Variants in SYNE1 observed in about 807,000 individuals in gnomAD.
The protein encoded by SYNE1 is spectrin repeat containing nuclear envelope protein 1, also known as nesprin-1.
In SYNE1, 616 loss-of-function variants were observed where a neutral mutation model predicts 1,111.0. The ratio of observed to expected loss-of-function variants is 0.55; its 90% CI spans 0.52 to 0.59. The LOEUF is 0.59. SYNE1 is among the 20% of genes least tolerant of loss of function. SYNE1 has a pLI of 0.00. For synonymous variants in SYNE1, 3,855 were observed against 3,825.8 expected, an observed-to-expected ratio of 1.01 and a Z score of -0.28; for missense variants, 10,006 against 10,417.0, an observed-to-expected ratio of 0.96 and a Z score of 1.72.
chr6:152,453,676 C>T lies in SYNE1; in HGVS notation c.2937G>A (p.Leu979=), dbSNP rs2098670068. ...TGTCGGTGAGTTCATCACAAGCTTT[C>T]AGGAAAGCATTGAGCACCCTCTGAT... ...QLDQRVLNAF[L]KACDELTDIL... Residue 979 remains leucine, a synonymous_variant, in exon 25 of 146, where the codon CTG becomes CTA. Transcript: ENST00000367255. 2 of 1,614,186 alleles carry T rather than the reference C, an allele frequency of 1.2e-6. No homozygotes were observed. Among genetic ancestry groups the T allele is most frequent in the Non-Finnish European group, 1.7e-6 (2 of 1,180,042 alleles).
At chr6:152,551,640 T>C (rs903570573) in intron 3 of SYNE1, among the ~76,000 whole-genome samples, 1 of 152,168 alleles carries the variant, frequency 6.6e-6, no homozygotes, top group Admixed American at 6.5e-5. Flanking sequence ...TTAAAAAATA[T>C]CACTTCTACA....
intron 2 of SYNE1, among the ~76,000 whole-genome samples, chr6:152,630,031 A>G (rs1415408674): frequency 6.6e-6 from 1 of 152,174 alleles, no homozygotes; most frequent in Non-Finnish European, 1.5e-5. Context: ...TATGAATTAC[A>G]ATTTATTTTA....
intron 131 of SYNE1, among the ~76,000 whole-genome samples, 184 bp from the exon 132 acceptor site, chr6:152,156,281 T>C (rs112757547): frequency 1.3e-5 from 2 of 152,328 alleles, no homozygotes; most frequent in Non-Finnish European, 2.9e-5. Flanking sequence ...AGAAAATGGA[T>C]GTAGAAATAT....
rs148375229 is a variant in SYNE1 at position 152,198,005 on chromosome 6, G to A, written c.23145+3819C>T. ...AACAAGAGCAAAACTCTGTCAGGAA[G>A]GGGAGAGGAGGGGAGGGGAGGGGAG... On this transcript the variant is annotated intron_variant, in intron 127 of 145. Coordinates refer to ENST00000367255, the MANE Select transcript of SYNE1 (RefSeq NM_182961.4). Among the ~76,000 whole-genome samples the A allele has an allele frequency of 5.2e-3, 783 of 151,860 alleles. 5 individuals are homozygous for A. Among genetic ancestry groups the A allele is most frequent in the African/African-American group, 0.018 (737 of 41,400 alleles).
chr6:152,167,337 T>C (rs576350614), intron 130 of SYNE1, among the ~76,000 whole-genome samples: 1 of 152,248 alleles, frequency 6.6e-6, no homozygotes, highest in South Asian at 2.1e-4. Flanking sequence ...ATTTAGTATA[T>C]CCATAACCCA....
At position 152,334,053 on chromosome 6, in the gene SYNE1, T is replaced by G. The variant is rs1001209044; in HGVS notation, c.12749A>C (p.Glu4250Ala). 15 of 1,614,068 alleles carry G rather than the reference T, an allele frequency of 9.3e-6. No homozygotes were observed. The highest frequency in any genetic ancestry group is 1.7e-5 in the Admixed American group (1 of 60,002). The stretch of plus-strand genomic sequence containing the variant: ...TGTAGTAAATTTTTCTAGGAACACT[T>G]CAACAACATTCATACAGTCATGGTA... ...RDYHDCMNVV[E>A]VFLEKFTTEW... The change falls in exon 77 of 146, where the codon GAA becomes GCA. Residue 4250 changes from glutamate (E) to alanine (A), a missense_variant. By Grantham distance (107) the Glu-to-Ala change is moderately radical. Around this residue, in one of 7 missense-constraint regions of SYNE1, gnomAD observed 4,955 missense variants for 5,017.2 expected, o/e 0.99. Coordinates refer to ENST00000367255, the MANE Select transcript of SYNE1 (RefSeq NM_182961.4).
chr6:152,213,697 T>C lies in SYNE1; in HGVS notation c.22409A>G (p.Glu7470Gly), dbSNP rs1038675640. The C allele has an allele frequency of 6.2e-7, 1 of 1,614,014 alleles. No homozygotes were observed. Reference sequence around the variant, plus strand: ...CTTTTGTTCTGTCTGAACTAGGAATTCCATCCATGTTTCACATTTTTCCAA... The same window carrying C: ...CTTTTGTTCTGTCTGAACTAGGAATCCCATCCATGTTTCACATTTTTCCAA... The part of the protein sequence containing the change: ...TFLEKCETWM[E>G]FLVQTEQKLA... Residue 7470 changes from glutamate (E) to glycine (G), a missense_variant, in exon 123 of 146, where the codon GAA becomes GGA. Physicochemically the swap from Glu to Gly is moderately conservative, Grantham distance 98 (BLOSUM62 -2). This residue lies in a region of SYNE1 where 2,182 missense variants were observed against 2,287.8 expected (regional missense o/e 0.95). Coordinates refer to ENST00000367255, the MANE Select transcript of SYNE1 (RefSeq NM_182961.4).
intron 131 of SYNE1, among the ~76,000 whole-genome samples, chr6:152,163,659 T>A (rs1402933341): frequency 6.6e-6 from 1 of 152,154 alleles, no homozygotes; most frequent in East Asian, 1.9e-4. Flanking sequence ...GTGGAATTAC[T>A]GTGTGCGATC....
intron 94 of SYNE1, 28 bp downstream of exon 94, chr6:152,293,932 C>T (rs2094732855): frequency 5.6e-6 from 9 of 1,613,766 alleles, no homozygotes; most frequent in Non-Finnish European, 7.6e-6. Flanking sequence ...GTCTGGTGGG[C>T]ATAAACTAGT....
At position 152,323,532 on chromosome 6, in the gene SYNE1, C is replaced by G. The variant is rs201313856; in HGVS notation, c.15863G>C (p.Gly5288Ala). 312 of 1,614,030 alleles carry G rather than the reference C, an allele frequency of 1.9e-4. No homozygotes were observed. The highest frequency in any genetic ancestry group is 2.2e-4 in the Non-Finnish European group (262 of 1,180,022). The part of the protein sequence containing the change: ...MLQDGAAPTP[G>A]EEPPLMQEIT... Reference sequence around the variant, plus strand: ...TTCCTGCATGAGCGGAGGCTCTTCCCCAGGGGTTGGGGCGGCTCCATCCTG... The same window carrying G: ...TTCCTGCATGAGCGGAGGCTCTTCCGCAGGGGTTGGGGCGGCTCCATCCTG... The change falls in exon 82 of 146, where the codon GGG becomes GCG. Residue 5288 changes from glycine (G) to alanine (A), a missense_variant. Around this residue, in one of 7 missense-constraint regions of SYNE1, gnomAD observed 4,955 missense variants for 5,017.2 expected, o/e 0.99. Coordinates refer to ENST00000367255, the MANE Select transcript of SYNE1 (RefSeq NM_182961.4).
At chr6:152,435,782 A>G (rs1017886800) in intron 33 of SYNE1, 159 bp downstream of exon 33, 4 of 876,492 alleles carry the variant, frequency 4.6e-6, no homozygotes, top group Non-Finnish European at 7.0e-6. Flanking sequence ...TTTCTGTATT[A>G]GCGATACTTT....
Position 152,403,149 on chromosome 6 carries a change from C to T in SYNE1, c.6825+1064G>A, listed in dbSNP as rs138129969. 3.2e-4 allele frequency among the ~76,000 whole-genome samples: 48 copies of T among 152,260 alleles called. No individual in the cohort carries two copies. The East Asian group carries it at 8.7e-3, about 28-fold the overall frequency. Reference sequence around the variant, plus strand: ...GAGAAAATCAACAGAAGCAGCAACACATATGGAAGCTAAAGGGATGCAGCA... The same window carrying T: ...GAGAAAATCAACAGAAGCAGCAACATATATGGAAGCTAAAGGGATGCAGCA... On this transcript the variant is annotated intron_variant, in intron 46 of 145. Transcript: ENST00000367255.
chr6:152,409,774 A>C, intron 42 of SYNE1, 65 bp from the exon 43 acceptor site: 1 of 1,558,432 alleles, frequency 6.4e-7, no homozygotes, highest in South Asian at 1.1e-5. Context: ...AGTTGCCTGC[A>C]ATTGGACTTG....
At chr6:152,235,089 T>C (rs1197586752) in intron 110 of SYNE1, among the ~76,000 whole-genome samples, 8 of 152,150 alleles carry the variant, frequency 5.3e-5, no homozygotes, top group Non-Finnish European at 8.8e-5. Flanking sequence ...AAAAGTCCTT[T>C]GAAATAAAGG....
intron 5 of SYNE1, among the ~76,000 whole-genome samples, chr6:152,521,542 T>G (rs1178028153): frequency 1.3e-5 from 2 of 152,200 alleles, no homozygotes; most frequent in Non-Finnish European, 2.9e-5. Context: ...CATACTTTTT[T>G]CAATTGAATA....
At position 152,353,290 on chromosome 6, in the gene SYNE1, C is replaced by A. The variant is rs1347276549; in HGVS notation, c.11226G>T (p.Met3742Ile). ...CCAACGTCTTCAATTTCTTCCCCAT[C>A]ATTACTGTATCTACTTTGTCAATCT... Reference protein sequence around the residue: ...ATKIDKVDTVMMGKKLKTLEV... With the variant: ...ATKIDKVDTVIMGKKLKTLEV... The change falls in exon 69 of 146, where the codon ATG (methionine) becomes ATT (isoleucine). Residue 3742 changes from methionine to isoleucine, a missense_variant. Met to Ile is a conservative substitution (Grantham distance 10). This residue lies in a region of SYNE1 where 4,955 missense variants were observed against 5,017.2 expected (regional missense o/e 0.99). Coordinates refer to ENST00000367255, the MANE Select transcript of SYNE1 (RefSeq NM_182961.4). 6.2e-7 allele frequency: 1 copy of A among 1,614,174 alleles called. No individual in the cohort carries two copies. The highest frequency in any genetic ancestry group is 8.5e-7 in the Non-Finnish European group (1 of 1,180,042).
At chr6:152,234,325 C>T (rs904764153) in intron 111 of SYNE1, among the ~76,000 whole-genome samples, 6 of 151,952 alleles carry the variant, frequency 3.9e-5, no homozygotes, top group East Asian at 1.9e-4. Flanking sequence ...TGGAGTCGCT[C>T]GCTCTGTTGC....
chr6:152,358,618 T>A, intron 65 of SYNE1, 81 bp from the exon 66 acceptor site: 4 of 1,426,562 alleles, frequency 2.8e-6, no homozygotes, highest in Non-Finnish European at 3.9e-6. Flanking sequence ...ACTTTTGTAA[T>A]TTTAGAAAAG....
intron 14 of SYNE1, chr6:152,481,419 T>C (rs930502534): frequency 5.3e-5 from 15 of 283,914 alleles, no homozygotes; most frequent in African/African-American, 2.6e-4. Flanking sequence ...CTAAGTTGAC[T>C]TCTTTAGTAT....
Sources: gnomAD v4.1 joint callset for allele counts (sites outside exome capture counted in the v4.1 genomes callset) on GRCh38, gnomAD v4.1.1 for gene constraint, gnomAD v4.1.1 regional missense constraint, MANE v1.5 for transcripts, NCBI Gene and HGNC (gene_info 2026-07-23, HGNC 2026-07-21) for gene names.